Variants in SPRTN observed in about 807,000 individuals in gnomAD.
SPRTN encodes the protein SprT-like N-terminal domain, also known as DNA-dependent metalloprotease SPRTN.
SPRTN carries 11 observed loss-of-function variants against 31.9 expected under a neutral mutation model. That is an observed-to-expected ratio of 0.34 (90% CI 0.22 to 0.57). SPRTN has a LOEUF of 0.57. SPRTN is among the 20% of genes least tolerant of loss of function. The pLI is 0.86. For synonymous variants in SPRTN, 185 were observed against 212.1 expected, an observed-to-expected ratio of 0.87 and a Z score of 1.11; for missense variants, 482 against 590.1, an observed-to-expected ratio of 0.82 and a Z score of 1.90.
chr1:231,340,089 A>T, intron 2 of SPRTN: 1 of 387,132 alleles, frequency 2.6e-6, no homozygotes, highest in South Asian at 2.7e-5. Context: ...GGGGCCGGGC[A>T]CGCTGGCTCA....
intron 2 of SPRTN, among the ~76,000 whole-genome samples, chr1:231,346,049 G>A (rs1050147424): frequency 3.3e-5 from 5 of 151,716 alleles, no homozygotes; most frequent in South Asian, 4.2e-4. Context: ...TCCTGGCCTC[G>A]AGCAATCCTC....
At chr1:231,340,762 C>A (rs1686858722) in intron 2 of SPRTN, among the ~76,000 whole-genome samples, 1 of 151,092 alleles carries the variant, frequency 6.6e-6, no homozygotes, top group Admixed American at 6.6e-5. Flanking sequence ...CGTACCATTG[C>A]ATTCCAGCCT....
In SPRTN at chr1:231,354,147, G is replaced by A. The variant is rs764324299; in HGVS notation, c.*786G>A. ...CATATAACATAAACATAACAAAGTT[G>A]CCTAGTTGATGTAACAGTGGAAAGT... is the stretch of plus-strand genomic sequence containing the variant. On this transcript the variant is annotated 3_prime_UTR_variant, in exon 5 of 5. Transcript: ENST00000295050. 5.1e-4 allele frequency: 503 copies of A among 985,064 alleles called. 1 individual carries two copies. Among genetic ancestry groups the A allele is most frequent in the Non-Finnish European group, 5.9e-4 (491 of 829,760 alleles). The allele number at this position is 985,064 out of a possible 1,614,324, so 61.0% of individuals were successfully genotyped here.
At chr1:231,340,016 A>C in intron 2 of SPRTN, 148 bp downstream of exon 2, 1 of 627,530 alleles carries the variant, frequency 1.6e-6, no homozygotes, top group Non-Finnish European at 2.8e-6. Flanking sequence ...AACAATAATG[A>C]ACACCTTATG....
chr1:231,349,096 G>C (rs1216735916), intron 3 of SPRTN, among the ~76,000 whole-genome samples: 1 of 151,880 alleles, frequency 6.6e-6, no homozygotes, highest in Non-Finnish European at 1.5e-5. Flanking sequence ...TCAGCCTCCT[G>C]AGTAGCTGGG....
intron 2 of SPRTN, 170 bp downstream of exon 2, chr1:231,340,038 G>C: frequency 2.2e-6 from 1 of 457,758 alleles, no homozygotes; most frequent in Non-Finnish European, 3.8e-6. Context: ...TTTTTATAGT[G>C]CTTCATAGTA....
chr1:231,345,649 C>T (rs988651303), intron 2 of SPRTN, among the ~76,000 whole-genome samples: 3 of 152,192 alleles, frequency 2.0e-5, no homozygotes, highest in Non-Finnish European at 4.4e-5. Flanking sequence ...AAGACAAATG[C>T]ATTTGTAATT....
Position 231,351,440 on chromosome 1 carries a change from A to G in SPRTN, c.587A>G (p.Tyr196Cys), listed in dbSNP as rs770480831. The G allele has an allele frequency of 1.4e-5, 22 of 1,614,160 alleles. No individual in the cohort carries two copies. Among genetic ancestry groups the G allele is most frequent in the South Asian group, 4.4e-5 (4 of 91,092 alleles). Residue 196 changes from tyrosine to cysteine, a missense_variant, in exon 4 of 5, where the codon TAT becomes TGT. By Grantham distance (194) the Tyr-to-Cys change is radical (BLOSUM62 -2). Transcript: ENST00000295050. Reference protein sequence around the residue: ...ATNREPSAHDYWWAEHQKTCG... With the variant: ...ATNREPSAHDCWWAEHQKTCG... ...AACAGGGAACCCTCTGCTCATGACT[A>G]TTGGTGGGCTGAGCACCAGAAAACC...
At chr1:231,347,946 T>A (rs375528421) in intron 3 of SPRTN, 21 bp downstream of exon 3, 3 of 1,599,916 alleles carry the variant, frequency 1.9e-6, no homozygotes, top group Non-Finnish European at 2.6e-6. Context: ...CCATATCTAT[T>A]TATGATGTTT....
At chr1:231,340,753 G>A (rs954202059) in intron 2 of SPRTN, among the ~76,000 whole-genome samples, 1 of 151,638 alleles carries the variant, frequency 6.6e-6, no homozygotes, top group Non-Finnish European at 1.5e-5. Flanking sequence ...AGCCGAGACC[G>A]TACCATTGCA....
intron 3 of SPRTN, among the ~76,000 whole-genome samples, chr1:231,350,112 C>G (rs1216528176): frequency 3.3e-5 from 5 of 152,154 alleles, no homozygotes; most frequent in African/African-American, 1.2e-4. Context: ...GCTTCTTTGC[C>G]TTAAAACCTA....
At position 231,339,757 on chromosome 1, in the gene SPRTN, A is replaced by AT; in HGVS notation, c.222-10dup. 6.2e-7 allele frequency: 1 copy of AT among 1,613,926 alleles called. No homozygotes were observed. The highest frequency in any genetic ancestry group is 8.5e-7 in the Non-Finnish European group (1 of 1,179,888). On this transcript the variant is annotated splice_polypyrimidine_tract_variant and intron_variant, in intron 1 of 4. Transcript: ENST00000295050. Reference sequence around the variant, plus strand: ...GCCAATGTAACACATTTTTATGGTGATTGTTTTCTAGGTGTGCTGGGATAT... The same window carrying AT: ...GCCAATGTAACACATTTTTATGGTGATTTGTTTTCTAGGTGTGCTGGGATAT...
chr1:231,341,332 T>C (rs1033483106), intron 2 of SPRTN, among the ~76,000 whole-genome samples: 3 of 140,788 alleles, frequency 2.1e-5, no homozygotes, highest in African/African-American at 8.1e-5. Flanking sequence ...GTGTTTCAGA[T>C]TTTTTTTTTT....
Position 231,353,241 on chromosome 1 carries a change from G to C in SPRTN, c.1350G>C (p.Gln450His). Reference sequence around the variant, plus strand: ...AGAATTCCAGCAGTTCATCCAGTCAGAGCAAAATGGTTAATTGCCCAGTTT... The same window carrying C: ...AGAATTCCAGCAGTTCATCCAGTCACAGCAAAATGGTTAATTGCCCAGTTT... ...TAQNSSSSSSQSKMVNCPVCQ... is the reference protein window; with the variant it reads ...TAQNSSSSSSHSKMVNCPVCQ... Residue 450 changes from glutamine (Q) to histidine (H), a missense_variant, in exon 5 of 5, where the codon CAG becomes CAC. Gln to His is a conservative substitution (Grantham distance 24, BLOSUM62 0). Around this residue, in one of 2 missense-constraint regions of SPRTN, gnomAD observed 325 missense variants for 350.2 expected, o/e 0.93. Transcript: ENST00000295050. 6.2e-7 allele frequency: 1 copy of C among 1,614,104 alleles called. No homozygotes were observed. Among genetic ancestry groups the C allele is most frequent in the Non-Finnish European group, 8.5e-7 (1 of 1,179,984 alleles).
At chr1:231,344,702 G>T in intron 2 of SPRTN, 1 of 320,716 alleles carries the variant, frequency 3.1e-6, no homozygotes, top group Admixed American at 3.7e-5. Flanking sequence ...AATTATGGAG[G>T]ATCATGAAAA....
intron 4 of SPRTN, chr1:231,352,219 A>G (rs755838532): frequency 6.7e-5 from 67 of 995,380 alleles, no homozygotes; most frequent in Non-Finnish European, 7.5e-5. Flanking sequence ...TGAAAGAGCT[A>G]TAGATGAATT....
In SPRTN at chr1:231,353,765, T is replaced by C. The variant is rs1418871712; in HGVS notation, c.*404T>C. ...TAGTATTAGAACTCATTCCCTGAAC[T>C]GATGTAAATCTTCATAGTGTCAGAC... On this transcript the variant is annotated 3_prime_UTR_variant, in exon 5 of 5. Transcript: ENST00000295050. 18 of 984,428 alleles carry C rather than the reference T, an allele frequency of 1.8e-5. No homozygotes were observed. Among genetic ancestry groups the C allele is most frequent in the Non-Finnish European group, 1.9e-5 (16 of 828,234 alleles). The allele number at this position is 984,428 out of a possible 1,614,324, so 61.0% of individuals were successfully genotyped here. A position where few individuals can be genotyped will look rare whatever the true frequency, so the allele number is the denominator to read the frequency against.
intron 3 of SPRTN, 99 bp from the exon 4 acceptor site, chr1:231,351,205 T>TAAAAAAAAAAA (rs35814914): frequency 1.2e-6 from 1 of 858,250 alleles, no homozygotes; most frequent in African/African-American, 2.3e-5. Context: ...TTTCAAAAAT[T>TAAAAAAAAAAA]AAAAAAAAAA....
chr1:231,338,456 G>T lies in SPRTN; in HGVS notation c.73G>T (p.Ala25Ser), dbSNP rs748152273. The T allele has an allele frequency of 5.6e-6, 9 of 1,614,156 alleles. No individual in the cohort carries two copies. The highest frequency in any genetic ancestry group is 4.0e-5 in the African/African-American group (3 of 74,950). Residue 25 changes from alanine to serine, a missense_variant, in exon 1 of 5, where the codon GCC (alanine) becomes TCC (serine). By Grantham distance (99) the Ala-to-Ser change is moderately conservative (BLOSUM62 1). Around this residue, in one of 2 missense-constraint regions of SPRTN, gnomAD observed 157 missense variants for 239.9 expected, o/e 0.65. Coordinates refer to ENST00000295050, the MANE Select transcript of SPRTN (RefSeq NM_032018.7). ...WNLQEAERDH[A>S]QESLSLVDAS... Reference sequence around the variant, plus strand: ...CTTGCAGGAGGCGGAGCGCGATCATGCCCAGGAGTCCCTGTCGCTAGTGGA... The same window carrying T: ...CTTGCAGGAGGCGGAGCGCGATCATTCCCAGGAGTCCCTGTCGCTAGTGGA...
Sources: gnomAD v4.1 joint callset for allele counts (sites outside exome capture counted in the v4.1 genomes callset) on GRCh38, gnomAD v4.1.1 for gene constraint, gnomAD v4.1.1 regional missense constraint, MANE v1.5 for transcripts, NCBI Gene and HGNC (gene_info 2026-07-23, HGNC 2026-07-21) for gene names.